The following CROT variants were observed in gnomAD, a reference collection of about 807,000 sequenced individuals.
CROT encodes the protein peroxisomal carnitine O-octanoyltransferase.
CROT carries 84 observed loss-of-function variants against 89.2 expected under a neutral mutation model. The observed-to-expected ratio is 0.94, with a 90% CI of 0.79 to 1.13. The LOEUF (loss-of-function observed/expected upper bound fraction) is 1.13, where lower values mean the gene tolerates loss of function less well. CROT is among the 50% of genes most tolerant of loss of function. The pLI, the probability that CROT is intolerant of heterozygous loss-of-function variation, is 0.00. For missense variants in CROT, 711 were observed against 727.8 expected, an observed-to-expected ratio of 0.98 and a Z score of 0.27; for synonymous variants, 212 against 239.5, an observed-to-expected ratio of 0.89 and a Z score of 1.06.
chr7:87,361,278 A>T, intron 4 of CROT, 112 bp from the exon 5 acceptor site: 1 of 1,123,608 alleles, frequency 8.9e-7, no homozygotes, highest in Non-Finnish European at 1.3e-6. Context: ...ACATGTTTTT[A>T]AATGTTGAAG....
At chr7:87,368,496 C>T (rs918472268) in intron 6 of CROT, among the ~76,000 whole-genome samples, 1 of 152,060 alleles carries the variant, frequency 6.6e-6, no homozygotes, top group Non-Finnish European at 1.5e-5. Context: ...ATCTCATCCC[C>T]TAGGTCTTGA....
At chr7:87,392,502 G>C (rs1807394618) in intron 14 of CROT, 64 bp from the exon 15 acceptor site, 1 of 1,304,020 alleles carries the variant, frequency 7.7e-7, no homozygotes, top group Admixed American at 1.9e-5. Flanking sequence ...AATGAGCTTA[G>C]GATTTTTTTC....
intron 7 of CROT, 127 bp downstream of exon 7, chr7:87,369,611 TA>T (rs532320552): frequency 2.3e-4 from 78 of 344,310 alleles, no homozygotes; most frequent in African/African-American, 1.2e-3. Flanking sequence ...CATGCTTTTT[TA>T]AAAAAAAATC....
intron 10 of CROT, among the ~76,000 whole-genome samples, chr7:87,380,607 A>G (rs1806963612): frequency 6.6e-6 from 1 of 152,222 alleles, no homozygotes; most frequent in East Asian, 1.9e-4. Context: ...GCAAGAAATG[A>G]AAGGTAAAAA....
At chr7:87,389,664 C>G (rs943027872) in intron 13 of CROT, among the ~76,000 whole-genome samples, 5 of 152,074 alleles carry the variant, frequency 3.3e-5, no homozygotes, top group Admixed American at 6.6e-5. Context: ...GGAGAAATGC[C>G]TAATGTAGAT....
Position 87,382,563 on chromosome 7 carries a change from T to C in CROT, c.1301+20T>C. The C allele has an allele frequency of 6.2e-7, 1 of 1,602,600 alleles. No individual in the cohort carries two copies. The highest frequency in any genetic ancestry group is 1.7e-4 in the Middle Eastern group (1 of 6,002). ...TGGACAGTAAGGACCATTCAGTTTC[T>C]ATTTTCACAGTCTTGAAGTCCAAGG... On this transcript the variant is annotated intron_variant, in intron 13 of 17. Transcript: ENST00000331536.
At chr7:87,378,630 A>G (rs1806886910) in intron 10 of CROT, among the ~76,000 whole-genome samples, 1 of 152,196 alleles carries the variant, frequency 6.6e-6, no homozygotes, top group South Asian at 2.1e-4. Flanking sequence ...AGACTCCCAA[A>G]GGAAATAGTC....
At chr7:87,384,717 A>G (rs1450771201) in intron 13 of CROT, among the ~76,000 whole-genome samples, 2 of 152,230 alleles carry the variant, frequency 1.3e-5, no homozygotes, top group Non-Finnish European at 2.9e-5. Flanking sequence ...TTTTAACTTC[A>G]TATGATCCCA....
intron 3 of CROT, among the ~76,000 whole-genome samples, chr7:87,355,654 TCACTAGCGAGACACAGA>T (rs1157329783): frequency 6.6e-6 from 1 of 152,090 alleles, no homozygotes; most frequent in African/African-American, 2.4e-5. Context: ...GCGACATGTG[TCACTAGCGAGACACAGA>T]CAGCAAATAA....
intron 4 of CROT, chr7:87,360,157 C>T: frequency 4.7e-6 from 4 of 851,328 alleles, no homozygotes; most frequent in Non-Finnish European, 5.6e-6. Flanking sequence ...ATGTCTCTTT[C>T]TGAATTACTA....
At chr7:87,362,078 T>G (rs1220340265) in intron 6 of CROT, among the ~76,000 whole-genome samples, 1 of 152,228 alleles carries the variant, frequency 6.6e-6, no homozygotes, top group Non-Finnish European at 1.5e-5. Flanking sequence ...TGCTTATATT[T>G]CATCATTTGA....
At chr7:87,357,830 T>C (rs1303928726) in intron 3 of CROT, among the ~76,000 whole-genome samples, 1 of 152,248 alleles carries the variant, frequency 6.6e-6, no homozygotes, top group African/African-American at 2.4e-5. Context: ...TTTTAGTGTG[T>C]AAATACATCC....
intron 13 of CROT, among the ~76,000 whole-genome samples, chr7:87,384,810 C>A (rs1257546149): frequency 6.6e-6 from 1 of 152,134 alleles, no homozygotes; most frequent in African/African-American, 2.4e-5. Context: ...TACAGAGCAT[C>A]CTCAATGTTT....
Position 87,392,787 on chromosome 7 carries a change from T to C in CROT, c.1562T>C (p.Val521Ala), listed in dbSNP as rs1562940200. Residue 521 changes from valine (V) to alanine (A), a missense_variant, in exon 16 of 18, where the codon GTT (valine) becomes GCT (alanine). Physicochemically the swap from Val to Ala is moderately conservative, Grantham distance 64 (BLOSUM62 0). Transcript: ENST00000331536. Reference sequence around the variant, plus strand: ...ATAGCAAAAGAGGAAGGTCTTCCTGTTCCAGAACTCTTTACGGACCCACTT... The same window carrying C: ...ATAGCAAAAGAGGAAGGTCTTCCTGCTCCAGAACTCTTTACGGACCCACTT... ...LLIAKEEGLP[V>A]PELFTDPLFS... is the part of the protein sequence containing the mutation. 1 of 1,613,796 alleles carries C rather than the reference T, an allele frequency of 6.2e-7. No individual in the cohort carries two copies. The highest frequency in any genetic ancestry group is 8.5e-7 in the Non-Finnish European group (1 of 1,179,816).
At position 87,378,172 on chromosome 7, in the gene CROT, C is replaced by T. The variant is rs920898350; in HGVS notation, c.978+722C>T. On this transcript the variant is annotated intron_variant, in intron 10 of 17. Coordinates refer to ENST00000331536, the MANE Select transcript of CROT (RefSeq NM_021151.4). ...TGGTCTGGGCAATGGCATGAAACCCCGTCTCTACAAAAAATACAAAAATTA... is the reference window on the plus strand; with the variant it reads ...TGGTCTGGGCAATGGCATGAAACCCTGTCTCTACAAAAAATACAAAAATTA... 7.9e-5 allele frequency among the ~76,000 whole-genome samples: 12 copies of T among 151,744 alleles called. No individual in the cohort carries two copies. In the South Asian group the frequency reaches 1.0e-3, roughly 13 times the overall value.
At chr7:87,369,327 C>G in intron 6 of CROT, 49 bp from the exon 7 acceptor site, 1 of 1,293,912 alleles carries the variant, frequency 7.7e-7, no homozygotes, top group Non-Finnish European at 1.1e-6. Context: ...CATCTTTACT[C>G]CTGTTTAACC....
rs771115486 is a variant in CROT, at chr7:87,391,650, A to C, written c.1363A>C (p.Met455Leu). ...RHFYHGRTET[M>L]RSCTVEAVRW... ...TTTTTATCATGGCCGTACAGAGACT[A>C]TGCGATCATGCACAGTTGAAGCAGT... is the stretch of plus-strand genomic sequence containing the variant. The change falls in exon 14 of 18, where the codon ATG becomes CTG. Residue 455 changes from methionine (M) to leucine (L), a missense_variant. Coordinates refer to ENST00000331536, the MANE Select transcript of CROT (RefSeq NM_021151.4). 5.6e-6 allele frequency: 9 copies of C among 1,611,810 alleles called. No homozygotes were observed. Among genetic ancestry groups the C allele is most frequent in the Non-Finnish European group, 7.6e-6 (9 of 1,179,010 alleles).
chr7:87,392,832 G>A lies in CROT; in HGVS notation c.1598+9G>A. ...CCACTTTTTTCCAAAAGGTAATATA[G>A]TGTAGTGTTTTACAGCTTCATCAAT... On this transcript the variant is annotated intron_variant, in intron 16 of 17. Coordinates refer to ENST00000331536, the MANE Select transcript of CROT (RefSeq NM_021151.4). The A allele has an allele frequency of 1.2e-6, 2 of 1,611,666 alleles. No homozygotes were observed. The highest frequency in any genetic ancestry group is 1.3e-5 in the African/African-American group (1 of 74,914).
intron 14 of CROT, 79 bp from the exon 15 acceptor site, chr7:87,392,487 A>G: frequency 9.0e-7 from 1 of 1,111,104 alleles, no homozygotes; most frequent in Non-Finnish European, 1.4e-6. Context: ...CCCAATCCTA[A>G]TTACAATGAG....
Sources: gnomAD v4.1 joint callset for allele counts (sites outside exome capture counted in the v4.1 genomes callset) on GRCh38, gnomAD v4.1.1 for gene constraint, MANE v1.5 for transcripts, NCBI Gene and HGNC (gene_info 2026-07-23, HGNC 2026-07-21) for gene names.